ST6GAL2: variants seen among roughly 807,000 people sequenced by gnomAD.
ST6GAL2 encodes ST6 beta-galactoside alpha-2,6-sialyltransferase 2.
In ST6GAL2, 24 loss-of-function variants were observed where a neutral mutation model predicts 37.5. The observed-to-expected ratio is 0.64, with a 90% CI of 0.46 to 0.90. The LOEUF (loss-of-function observed/expected upper bound fraction) is 0.90. ST6GAL2 is among the 40% of genes least tolerant of loss of function. The pLI, the probability that ST6GAL2 is intolerant of heterozygous loss-of-function variation, is 0.00. For synonymous variants in ST6GAL2, 306 were observed against 295.1 expected (o/e 1.04, Z -0.38); for missense variants, 715 against 712.7 (o/e 1.00, Z -0.04).
At chr2:106,844,091 G>T in intron 1 of ST6GAL2, 57 bp from the exon 2 acceptor site, 1 of 816,310 alleles carries the variant, frequency 1.2e-6, no homozygotes, top group Non-Finnish European at 1.9e-6. Context: ...AGATGCTGCT[G>T]GGGACATTCT....
At chr2:106,855,862 T>G (rs1677553430) in intron 1 of ST6GAL2, among the ~76,000 whole-genome samples, 2 of 152,178 alleles carry the variant, frequency 1.3e-5, no homozygotes, top group African/African-American at 4.8e-5. Flanking sequence ...AACATACATC[T>G]AACATTTTAC....
At chr2:106,849,091 T>C (rs2104541075) in intron 1 of ST6GAL2, among the ~76,000 whole-genome samples, 1 of 152,320 alleles carries the variant, frequency 6.6e-6, no homozygotes, top group South Asian at 2.1e-4. Flanking sequence ...ACTGACCCCA[T>C]TCATCTGCAG....
chr2:106,847,162 G>C (rs1051216603), intron 1 of ST6GAL2, among the ~76,000 whole-genome samples: 33 of 152,186 alleles, frequency 2.2e-4, no homozygotes, highest in Non-Finnish European at 4.0e-4. Context: ...TTCCATTTCT[G>C]AATGTCTTGG....
chr2:106,843,195 C>G lies in ST6GAL2; in HGVS notation c.783G>C (p.Val261=), dbSNP rs761220192. The change falls in exon 2 of 6, where the codon GTG becomes GTC. Residue 261 remains valine, a synonymous_variant. Coordinates refer to ENST00000409382, the MANE Select transcript of ST6GAL2 (RefSeq NM_001142351.2). ...GCGCCTCGGTGCCGTCCAGCGTCCG[C>G]ACGCGCGCGCGGCTCCGCAGCTGGC... is the stretch of plus-strand genomic sequence containing the variant. The part of the protein sequence containing the change: ...LLCQLRSRAR[V]RTLDGTEAPF... 3.0e-5 allele frequency: 47 copies of G among 1,547,764 alleles called. No homozygotes were observed. Among genetic ancestry groups the G allele is most frequent in the Middle Eastern group, 1.8e-4 (1 of 5,646 alleles).
chr2:106,884,930 TATATAC>T (rs368834649), intron 1 of ST6GAL2, among the ~76,000 whole-genome samples: 1,717 of 124,314 alleles, frequency 0.014, 67 homozygotes, highest in African/African-American at 0.051. Context: ...TATATATATA[TATATAC>T]ATACACACAC....
intron 2 of ST6GAL2, among the ~76,000 whole-genome samples, chr2:106,839,151 G>A (rs1169402213): frequency 1.3e-5 from 2 of 152,120 alleles, no homozygotes; most frequent in Non-Finnish European, 2.9e-5. Context: ...TTCATAGAGT[G>A]GCTTGCAAGG....
At chr2:106,887,033 G>A (rs533111350), upstream of ST6GAL2, 357 of 152,510 alleles carry the variant, frequency 2.3e-3, 1 homozygote, top group Admixed American at 4.3e-3. Flanking sequence ...CGGGTCCCGG[G>A]CGGCGGCAGG....
chr2:106,869,500 G>C (rs568533866), intron 1 of ST6GAL2, among the ~76,000 whole-genome samples: 1 of 152,132 alleles, frequency 6.6e-6, no homozygotes, highest in East Asian at 1.9e-4. Context: ...TTTGGAAATG[G>C]GGCAAAGAGG....
At chr2:106,813,208 A>G (rs1675677832) in intron 5 of ST6GAL2, 1 of 1,370,328 alleles carries the variant, frequency 7.3e-7, no homozygotes, top group Non-Finnish European at 9.5e-7. Flanking sequence ...TGATATGGCC[A>G]ATTTTTACAA....
chr2:106,855,207 G>A (rs776364739), intron 1 of ST6GAL2, among the ~76,000 whole-genome samples: 1 of 152,218 alleles, frequency 6.6e-6, no homozygotes, highest in Non-Finnish European at 1.5e-5. Flanking sequence ...TCAAATTCCA[G>A]AATCTCTCTT....
chr2:106,824,459 C>T (rs577259923), intron 5 of ST6GAL2, among the ~76,000 whole-genome samples: 1 of 152,172 alleles, frequency 6.6e-6, no homozygotes, highest in East Asian at 1.9e-4. Context: ...GGTGAAACCC[C>T]GTCTCTACTA....
intron 2 of ST6GAL2, among the ~76,000 whole-genome samples, chr2:106,842,274 T>C (rs6732722): frequency 0.2 from 30,470 of 152,152 alleles, 3,307 homozygotes; most frequent in Non-Finnish European, 0.25. Context: ...CCCTGACTGA[T>C]ACAGGAGCTG....
chr2:106,867,357 C>CTGGACA (rs1317499393), intron 1 of ST6GAL2, among the ~76,000 whole-genome samples: 5 of 152,172 alleles, frequency 3.3e-5, no homozygotes, highest in African/African-American at 4.8e-5. Flanking sequence ...TGTTGGCAAT[C>CTGGACA]TGGACATGTG....
chr2:106,846,420 C>T (rs1456230761), intron 1 of ST6GAL2, among the ~76,000 whole-genome samples: 2 of 152,228 alleles, frequency 1.3e-5, no homozygotes, highest in East Asian at 3.9e-4. Flanking sequence ...TGATTTGTTA[C>T]ATCAGAAGAT....
intron 1 of ST6GAL2, among the ~76,000 whole-genome samples, chr2:106,866,650 G>A (rs923587597): frequency 1.3e-5 from 2 of 152,140 alleles, no homozygotes; most frequent in Non-Finnish European, 2.9e-5. Context: ...AAACACAACC[G>A]ACCAAGGCCC....
intron 5 of ST6GAL2, among the ~76,000 whole-genome samples, chr2:106,817,652 G>T (rs563377296): frequency 6.6e-6 from 1 of 152,282 alleles, no homozygotes; most frequent in African/African-American, 2.4e-5. Context: ...TCCCAGTGGT[G>T]GTGGCTACAG....
chr2:106,857,930 A>G (rs1302952963), intron 1 of ST6GAL2, among the ~76,000 whole-genome samples: 1 of 152,180 alleles, frequency 6.6e-6, no homozygotes, highest in Non-Finnish European at 1.5e-5. Context: ...TCACTTTTCA[A>G]TGCCAGTAAG....
chr2:106,835,642 A>G (rs1676604375), intron 2 of ST6GAL2, among the ~76,000 whole-genome samples: 1 of 152,192 alleles, frequency 6.6e-6, no homozygotes, highest in African/African-American at 2.4e-5. Context: ...GTTTTAGTAA[A>G]TCAAGTTCCA....
At chr2:106,824,760 T>C (rs1676139831) in intron 5 of ST6GAL2, 1 of 152,220 alleles carries the variant, frequency 6.6e-6, no homozygotes, top group Non-Finnish European at 1.5e-5. Flanking sequence ...TTTAACTAAA[T>C]ACAAATAAAA....
Sources: allele counts gnomAD v4.1 joint callset (sites outside exome capture counted in the v4.1 genomes callset), GRCh38; gene constraint gnomAD v4.1.1; transcripts MANE v1.5; gene names NCBI Gene and HGNC (gene_info 2026-07-23, HGNC 2026-07-21).